Variants in ZNF347 observed in about 807,000 individuals in gnomAD.
ZNF347 encodes zinc finger protein 347.
ZNF347 carries 19 observed loss-of-function variants against 12.9 expected under a neutral mutation model. The observed-to-expected ratio is 1.47, with a 90% CI of 1.03 to 2.16. ZNF347 has a LOEUF of 2.16. Ranked by LOEUF, ZNF347 falls within the 30% of genes most tolerant of loss-of-function variation. The pLI, the probability that ZNF347 is intolerant of heterozygous loss-of-function variation, is 0.00. For missense variants in ZNF347, 1,005 were observed against 990.6 expected, an observed-to-expected ratio of 1.01 and a Z score of -0.19; for synonymous variants, 328 against 340.6, an observed-to-expected ratio of 0.96 and a Z score of 0.41.
At position 53,135,299 on chromosome 19, in the gene ZNF347, A is replaced by AAT. The variant is rs66614865; in HGVS notation, c.*5007_*5008dup. On this transcript the variant is annotated 3_prime_UTR_variant, in exon 5 of 5. Coordinates refer to ENST00000334197, the MANE Select transcript of ZNF347 (RefSeq NM_032584.3). ...TCTTCATAGTTCTACCCATTTTCTA[A>AAT]ATATATATATATATATATATATATA... 7 of 72,668 alleles carry AAT rather than the reference A, an allele frequency of 9.6e-5. No homozygotes were observed. Among genetic ancestry groups the AAT allele is most frequent in the East Asian group, 3.6e-4 (1 of 2,812 alleles). The allele number at this position is 72,668 out of a possible 1,614,324, so 4.5% of individuals were successfully genotyped here. A position where few individuals can be genotyped will look rare whatever the true frequency, so the allele number is the denominator to read the frequency against.
In ZNF347 at chr19:53,138,142, G is replaced by C. The variant is rs992365680; in HGVS notation, c.*2166C>G. 2 of 151,246 alleles carry C rather than the reference G, an allele frequency of 1.3e-5. No homozygotes were observed. The highest frequency in any genetic ancestry group is 2.4e-5 in the African/African-American group (1 of 41,024). 9.4% of individuals were successfully genotyped at this position (151,246 alleles called of 1,614,324 possible). On this transcript the variant is annotated 3_prime_UTR_variant, in exon 5 of 5. Transcript: ENST00000334197. ...ATACAATTGTTTTTTTTGAGACAGGGTCTCGCTCTGTCACCCAGGCTGGAG... is the reference window on the plus strand; with the variant it reads ...ATACAATTGTTTTTTTTGAGACAGGCTCTCGCTCTGTCACCCAGGCTGGAG...
chr19:53,144,312 A>G (rs1392701688), intron 4 of ZNF347, among the ~76,000 whole-genome samples: 3 of 152,214 alleles, frequency 2.0e-5, no homozygotes, highest in Non-Finnish European at 4.4e-5. Context: ...CTAGAAATCA[A>G]AAAAGAGCAG....
chr19:53,151,534 TAAA>T (rs34905550), intron 2 of ZNF347, among the ~76,000 whole-genome samples: 944 of 80,356 alleles, frequency 0.012, 18 homozygotes, highest in African/African-American at 0.041. Context: ...CAAGACTGTC[TAAA>T]AAAAAAAAAA....
At position 53,153,642 on chromosome 19, in the gene ZNF347, G is replaced by A. The variant is rs527703548; in HGVS notation, c.15+91C>T. ...TGCGAGCAAACCTGTCAGGCAGGAC[G>A]CTTCAGACTCAGAGAAGATTCCCAA... On this transcript the variant is annotated intron_variant, in intron 2 of 4. Transcript: ENST00000334197. 1.0e-5 allele frequency: 16 copies of A among 1,528,220 alleles called. No individual in the cohort carries two copies. In the East Asian group the frequency reaches 1.6e-4, roughly 15 times the overall value. The allele number at this position is 1,528,220 out of a possible 1,614,324, so 94.7% of individuals were successfully genotyped here. A position where few individuals can be genotyped will look rare whatever the true frequency, so the allele number is the denominator to read the frequency against.
intron 4 of ZNF347, among the ~76,000 whole-genome samples, chr19:53,147,196 G>A (rs781419844): frequency 8.5e-5 from 13 of 152,138 alleles, no homozygotes; most frequent in South Asian, 2.1e-4. Context: ...CCAACATGGT[G>A]AAACCCCAAC....
At position 53,153,892 on chromosome 19, in the gene ZNF347, C is replaced by CT. The variant is rs1491454611; in HGVS notation, c.-46-100_-46-99insA. 4 of 662,532 alleles carry CT rather than the reference C, an allele frequency of 6.0e-6. No individual in the cohort carries two copies. The African/African-American group carries it at 7.3e-5, about 12-fold the overall frequency. The allele number at this position is 662,532 out of a possible 1,614,324, so 41.0% of individuals were successfully genotyped here. A position where few individuals can be genotyped will look rare whatever the true frequency, so the allele number is the denominator to read the frequency against. On this transcript the variant is annotated intron_variant, in intron 1 of 4. Coordinates refer to ENST00000334197, the MANE Select transcript of ZNF347 (RefSeq NM_032584.3). ...ACACATCCCCTTCCTATGCCACAATCACACACACACACAGGGAAGACCTCA... is the reference window on the plus strand; with the variant it reads ...ACACATCCCCTTCCTATGCCACAATCTACACACACACACAGGGAAGACCTCA...
chr19:53,139,099 C>G lies in ZNF347; in HGVS notation c.*1209G>C, dbSNP rs1444124255. On this transcript the variant is annotated 3_prime_UTR_variant, in exon 5 of 5. Transcript: ENST00000334197. The stretch of plus-strand genomic sequence containing the variant: ...CCCTGCACTATTCCCATCACATAAT[C>G]AGTCACTAATAACTTATTACTCTCC... The G allele has an allele frequency of 6.6e-6, 1 of 152,170 alleles. No individual in the cohort carries two copies. The highest frequency in any genetic ancestry group is 1.5e-5 in the Non-Finnish European group (1 of 68,020). The allele number at this position is 152,170 out of a possible 1,614,324, so 9.4% of individuals were successfully genotyped here.
chr19:53,142,492 T>C lies in ZNF347; in HGVS notation c.336A>G (p.Val112=). ...GTCTTTCCAACATCACTGTTTGGAA[T>C]ACTTCTCCTGTATTACTCTTCCCTT... ...LHKGKSNTGE[V]FQTVMLERQE... Residue 112 remains valine (V), a synonymous_variant, in exon 5 of 5, where the codon GTA becomes GTG. Transcript: ENST00000334197. 6.2e-7 allele frequency: 1 copy of C among 1,613,786 alleles called. No individual in the cohort carries two copies. The highest frequency in any genetic ancestry group is 1.1e-5 in the South Asian group (1 of 91,034).
Position 53,140,515 on chromosome 19 carries a change from G to C in ZNF347, c.2313C>G (p.Gly771=), listed in dbSNP as rs2090414566. The change falls in exon 5 of 5, where the codon GGC becomes GGG. Residue 771 remains glycine, a synonymous_variant. Transcript: ENST00000334197. ...GEKPYKCNEC[G]KAFSQTSKLA... The stretch of plus-strand genomic sequence containing the variant: ...GTTTTGAAGTTTGACTAAAGGCTTT[G>C]CCACACTCATTACACTTGTAAGGTT... 2 of 1,613,660 alleles carry C rather than the reference G, an allele frequency of 1.2e-6. No homozygotes were observed. Among genetic ancestry groups the C allele is most frequent in the Non-Finnish European group, 1.7e-6 (2 of 1,179,900 alleles).
Position 53,153,759 on chromosome 19 carries a change from C to A in ZNF347, c.-12G>T. 1 of 1,614,114 alleles carries A rather than the reference C, an allele frequency of 6.2e-7. No homozygotes were observed. The highest frequency in any genetic ancestry group is 8.5e-7 in the Non-Finnish European group (1 of 1,179,962). ...TGGGTGAGAGCCATGCCTGACTTGT[C>A]TTTCTTTCCTCTTCCTCTTCTTCAA... On this transcript the variant is annotated 5_prime_UTR_variant, in exon 2 of 5. Coordinates refer to ENST00000334197, the MANE Select transcript of ZNF347 (RefSeq NM_032584.3).
chr19:53,150,981 C>G (rs1451802317), intron 2 of ZNF347, among the ~76,000 whole-genome samples: 2 of 152,234 alleles, frequency 1.3e-5, no homozygotes, highest in Non-Finnish European at 2.9e-5. Context: ...CTCAGATGAT[C>G]CACCCGCCTT....
chr19:53,149,013 A>T, intron 3 of ZNF347: 1 of 1,085,974 alleles, frequency 9.2e-7, no homozygotes, highest in Non-Finnish European at 1.3e-6. Context: ...GAATCAAAGC[A>T]TGGGGATAGA....
intron 1 of ZNF347, among the ~76,000 whole-genome samples, chr19:53,155,126 C>T (rs536045403): frequency 1.3e-4 from 20 of 151,946 alleles, no homozygotes; most frequent in African/African-American, 4.8e-4. Context: ...TTAGTAGAGA[C>T]AGTGTTTCAC....
intron 2 of ZNF347, among the ~76,000 whole-genome samples, chr19:53,151,250 A>T (rs2090495066): frequency 6.6e-6 from 1 of 152,152 alleles, no homozygotes; most frequent in Non-Finnish European, 1.5e-5. Context: ...AGAATCAAAT[A>T]GTTGGCCAGG....
rs186124754 is a variant in ZNF347 at position 53,139,068 on chromosome 19, C to T, written c.*1240G>A. The T allele has an allele frequency of 2.6e-5, 4 of 152,204 alleles. No homozygotes were observed. In the East Asian group the frequency reaches 7.7e-4, roughly 29 times the overall value. 9.4% of individuals were successfully genotyped at this position (152,204 alleles called of 1,614,324 possible). A position where few individuals can be genotyped will look rare whatever the true frequency, so the allele number is the denominator to read the frequency against. ...GCCATTCAGTAGAGAAAGTGGCAAC[C>T]ATTTCCCCTGCACTATTCCCATCAC... On this transcript the variant is annotated 3_prime_UTR_variant, in exon 5 of 5. Transcript: ENST00000334197.
chr19:53,142,722 C>G (rs572647073), intron 4 of ZNF347, among the ~76,000 whole-genome samples, 166 bp from the exon 5 acceptor site: 15 of 152,034 alleles, frequency 9.9e-5, no homozygotes, highest in African/African-American at 3.6e-4. Flanking sequence ...TTTTTAGGAA[C>G]ACAAAGGAAA....
At chr19:53,158,780 C>T (rs902991963) in intron 1 of ZNF347, 8 of 152,182 alleles carry the variant, frequency 5.3e-5, no homozygotes, top group African/African-American at 1.9e-4. Context: ...GCCTGTAATC[C>T]CAGCTACTCG....
chr19:53,152,057 C>T (rs1165968272), intron 2 of ZNF347, among the ~76,000 whole-genome samples: 9 of 130,420 alleles, frequency 6.9e-5, no homozygotes, highest in African/African-American at 2.3e-4. Flanking sequence ...TGCACCACTG[C>T]ACTCCAGCCT....
rs763801175 is a variant in ZNF347 at position 53,142,392 on chromosome 19, T to C, written c.436A>G (p.Arg146Gly). The C allele has an allele frequency of 1.2e-6, 2 of 1,614,030 alleles. No individual in the cohort carries two copies. Among genetic ancestry groups the C allele is most frequent in the Non-Finnish European group, 1.7e-6 (2 of 1,180,018 alleles). Residue 146 changes from arginine to glycine, a missense_variant, in exon 5 of 5, where the codon AGA becomes GGA. Arg to Gly is a moderately radical substitution (Grantham distance 125, BLOSUM62 -2). Transcript: ENST00000334197. ...CCTTTGTAATTTCCTTCAGCATCTC[T>C]GCATTGATACTCAAGGCCATGTGTA... is the stretch of plus-strand genomic sequence containing the variant. Reference protein sequence around the residue: ...KNTHGLEYQCRDAEGNYKGVL... With the variant: ...KNTHGLEYQCGDAEGNYKGVL...
Sources: gnomAD v4.1 joint callset for allele counts (sites outside exome capture counted in the v4.1 genomes callset) on GRCh38, gnomAD v4.1.1 for gene constraint, MANE v1.5 for transcripts, NCBI Gene and HGNC (gene_info 2026-07-23, HGNC 2026-07-21) for gene names.